The following AFG1L variants were observed in gnomAD, a reference collection of about 807,000 sequenced individuals.
AFG1L encodes the protein AFG1 like ATPase, also known as AFG1-like ATPase.
In AFG1L, 53 loss-of-function variants were observed where a neutral mutation model predicts 62.2. The observed-to-expected ratio is 0.85, with a 90% CI of 0.68 to 1.07. The LOEUF (loss-of-function observed/expected upper bound fraction) is 1.07, where lower values mean the gene tolerates loss of function less well. AFG1L is among the 50% of genes least tolerant of loss of function. The probability of loss-of-function intolerance (pLI) is 0.00; values close to 1 mark genes in which losing one functional copy is unlikely to be tolerated. For synonymous variants in AFG1L, 228 were observed against 210.3 expected, an observed-to-expected ratio of 1.08 and a Z score of -0.73; for missense variants, 555 against 590.5, an observed-to-expected ratio of 0.94 and a Z score of 0.62.
chr6:108,456,940 T>C (rs1380434404), intron 8 of AFG1L, among the ~76,000 whole-genome samples: 1 of 152,178 alleles, frequency 6.6e-6, no homozygotes, highest in Non-Finnish European at 1.5e-5. Context: ...CATTAGGCTA[T>C]ACCGTACACC....
intron 8 of AFG1L, among the ~76,000 whole-genome samples, chr6:108,473,111 A>T (rs1029363864): frequency 6.6e-6 from 1 of 152,102 alleles, no homozygotes; most frequent in African/African-American, 2.4e-5. Context: ...TACACCAATA[A>T]AATTTTTTAT....
intron 1 of AFG1L, among the ~76,000 whole-genome samples, chr6:108,316,135 A>C (rs551051): frequency 1.3e-5 from 2 of 151,672 alleles, no homozygotes; most frequent in Non-Finnish European, 2.9e-5. Flanking sequence ...TAATCCCAGC[A>C]CTTTGCGAGG....
At chr6:108,467,077 G>C (rs969061257) in intron 8 of AFG1L, among the ~76,000 whole-genome samples, 3 of 152,004 alleles carry the variant, frequency 2.0e-5, no homozygotes, top group Non-Finnish European at 2.9e-5. Flanking sequence ...GATTTAGGAT[G>C]CACTCTTAGA....
chr6:108,505,086 T>C (rs2114885220), intron 10 of AFG1L, among the ~76,000 whole-genome samples: 1 of 150,032 alleles, frequency 6.7e-6, no homozygotes, highest in East Asian at 1.9e-4. Context: ...TGGATTTTTT[T>C]TTTTTCTTTT....
At chr6:108,469,926 T>A (rs753471976) in intron 8 of AFG1L, among the ~76,000 whole-genome samples, 2 of 152,174 alleles carry the variant, frequency 1.3e-5, no homozygotes, top group Non-Finnish European at 2.9e-5. Context: ...GGAATCTGGC[T>A]ATCCAAGTGG....
intron 11 of AFG1L, among the ~76,000 whole-genome samples, chr6:108,513,621 C>T (rs1433675341): frequency 6.6e-6 from 1 of 152,182 alleles, no homozygotes; most frequent in African/African-American, 2.4e-5. Flanking sequence ...CTGGGAAGCT[C>T]CAACTGGGTG....
intron 8 of AFG1L, among the ~76,000 whole-genome samples, chr6:108,450,897 G>A (rs528873287): frequency 6.6e-6 from 1 of 150,946 alleles, no homozygotes; most frequent in East Asian, 1.9e-4. Context: ...TCGTAGATAT[G>A]CGGCATTATT....
chr6:108,435,407 C>T (rs993249665), intron 7 of AFG1L, among the ~76,000 whole-genome samples: 4 of 152,178 alleles, frequency 2.6e-5, no homozygotes, highest in African/African-American at 9.7e-5. Flanking sequence ...TACAACAGGG[C>T]TGGGCACAGT....
intron 7 of AFG1L, among the ~76,000 whole-genome samples, chr6:108,426,163 G>A (rs566470206): frequency 5.0e-4 from 76 of 151,992 alleles, no homozygotes; most frequent in Non-Finnish European, 1.0e-3. Flanking sequence ...ATTCCAGAGT[G>A]GTAATTACAG....
At chr6:108,411,864 GA>G (rs1273208592) in intron 7 of AFG1L, among the ~76,000 whole-genome samples, 12 of 152,212 alleles carry the variant, frequency 7.9e-5, no homozygotes, top group Non-Finnish European at 1.5e-5. Context: ...TCCTCCAAAG[GA>G]ACGCAGCTCC....
intron 1 of AFG1L, among the ~76,000 whole-genome samples, chr6:108,317,425 G>T (rs1227059758): frequency 6.6e-6 from 1 of 152,148 alleles, no homozygotes; most frequent in Non-Finnish European, 1.5e-5. Flanking sequence ...GTCCAACTGT[G>T]GGTGGGACAA....
chr6:108,454,878 G>T (rs1297042683), intron 8 of AFG1L, among the ~76,000 whole-genome samples: 1 of 152,002 alleles, frequency 6.6e-6, no homozygotes, highest in Non-Finnish European at 1.5e-5. Flanking sequence ...GTTTCAAGCA[G>T]TCCGCCTGCC....
intron 5 of AFG1L, among the ~76,000 whole-genome samples, chr6:108,365,281 T>G (rs757121987): frequency 5.9e-5 from 9 of 152,168 alleles, no homozygotes; most frequent in Non-Finnish European, 1.3e-4. Context: ...TTTCCCTTCT[T>G]AATTGTTGTC....
chr6:108,449,738 C>T (rs1582605541), intron 8 of AFG1L, among the ~76,000 whole-genome samples: 1 of 152,104 alleles, frequency 6.6e-6, no homozygotes, highest in South Asian at 2.1e-4. Context: ...TCTCCTAATG[C>T]TATCCCTTCC....
At chr6:108,308,644 G>A (rs1777294373) in intron 1 of AFG1L, among the ~76,000 whole-genome samples, 1 of 151,820 alleles carries the variant, frequency 6.6e-6, no homozygotes, top group South Asian at 2.1e-4. Flanking sequence ...TTTCCAAGTA[G>A]CTAGGACTCT....
chr6:108,494,067 C>T (rs1014430012), intron 10 of AFG1L, among the ~76,000 whole-genome samples: 10 of 152,118 alleles, frequency 6.6e-5, no homozygotes, highest in Admixed American at 5.2e-4. Flanking sequence ...AGCAATCCGC[C>T]CGTCTCGGCC....
chr6:108,482,076 A>G (rs1022738889), intron 10 of AFG1L, among the ~76,000 whole-genome samples: 3 of 152,228 alleles, frequency 2.0e-5, no homozygotes, highest in African/African-American at 4.8e-5. Context: ...ATTCTTAAAC[A>G]TCTTTCAGAT....
intron 2 of AFG1L, among the ~76,000 whole-genome samples, chr6:108,325,170 TG>T (rs1777989652): frequency 2.0e-5 from 3 of 152,224 alleles, no homozygotes; most frequent in Admixed American, 6.5e-5. Context: ...CCCTTTCTCC[TG>T]GGGACTTATA....
intron 7 of AFG1L, among the ~76,000 whole-genome samples, chr6:108,429,152 A>G (rs185739781): frequency 3.0e-4 from 45 of 152,264 alleles, no homozygotes; most frequent in Non-Finnish European, 5.7e-4. Flanking sequence ...TCCCAGCACC[A>G]TTTATTGAAT....
Sources: allele counts gnomAD v4.1 joint callset (sites outside exome capture counted in the v4.1 genomes callset), GRCh38; gene constraint gnomAD v4.1.1; transcripts MANE v1.5; gene names NCBI Gene and HGNC (gene_info 2026-07-23, HGNC 2026-07-21).